Variants in MARCHF4 observed in about 807,000 individuals in gnomAD.
MARCHF4 encodes E3 ubiquitin-protein ligase MARCHF4.
A neutral mutation model predicts 43.9 loss-of-function variants in MARCHF4; 14 were observed. The observed-to-expected ratio is 0.32, with a 90% CI of 0.21 to 0.50. The LOEUF (loss-of-function observed/expected upper bound fraction) is 0.50. MARCHF4 is among the 20% of genes least tolerant of loss of function. MARCHF4 has a pLI of 0.98. For missense variants in MARCHF4, 468 were observed against 536.7 expected (o/e 0.87, Z 1.27); for synonymous variants, 226 against 213.3 (o/e 1.06, Z -0.52).
intron 1 of MARCHF4, among the ~76,000 whole-genome samples, chr2:216,347,442 G>A (rs1265636271): frequency 6.6e-6 from 1 of 152,166 alleles, no homozygotes; most frequent in East Asian, 1.9e-4. Context: ...CTGAGATGGT[G>A]GCAGTATAAA....
At chr2:216,295,037 G>A (rs908674758) in intron 1 of MARCHF4, among the ~76,000 whole-genome samples, 4 of 152,154 alleles carry the variant, frequency 2.6e-5, no homozygotes, top group African/African-American at 7.2e-5. Flanking sequence ...GGTAGCTCAC[G>A]CCTTTGAACA....
At chr2:216,353,961 A>G (rs779904772) in intron 1 of MARCHF4, among the ~76,000 whole-genome samples, 14 of 152,202 alleles carry the variant, frequency 9.2e-5, no homozygotes, top group Non-Finnish European at 1.9e-4. Context: ...TTCTGAACCC[A>G]CAAAGTTTCT....
At chr2:216,300,358 A>ATG (rs1553516808) in intron 1 of MARCHF4, among the ~76,000 whole-genome samples, 14 of 143,310 alleles carry the variant, frequency 9.8e-5, no homozygotes, top group African/African-American at 3.7e-4. Context: ...ATGTATATAT[A>ATG]TATATATATA....
chr2:216,284,404 C>A (rs186233073), intron 1 of MARCHF4, among the ~76,000 whole-genome samples: 29 of 152,326 alleles, frequency 1.9e-4, no homozygotes, highest in African/African-American at 7.0e-4. Context: ...CAGCATTGGG[C>A]TCACTCTCCA....
intron 1 of MARCHF4, among the ~76,000 whole-genome samples, chr2:216,354,180 A>C (rs1692445809): frequency 6.6e-6 from 1 of 152,156 alleles, no homozygotes; most frequent in African/African-American, 2.4e-5. Flanking sequence ...CCATCTCTGC[A>C]CCCTACCCCG....
intron 1 of MARCHF4, among the ~76,000 whole-genome samples, chr2:216,316,360 G>A (rs1356395669): frequency 6.6e-6 from 1 of 152,130 alleles, no homozygotes; most frequent in Non-Finnish European, 1.5e-5. Flanking sequence ...TTCTAAAACG[G>A]AGGCCCTATC....
At chr2:216,302,920 A>G (rs932285024) in intron 1 of MARCHF4, among the ~76,000 whole-genome samples, 26 of 143,094 alleles carry the variant, frequency 1.8e-4, no homozygotes, top group African/African-American at 5.6e-4. Context: ...AAAAAAAAAA[A>G]AAAGAAAATG....
Position 216,258,082 on chromosome 2 carries a change from C to A in MARCHF4, c.*1230G>T, listed in dbSNP as rs966017545. The A allele has an allele frequency of 6.6e-6, 1 of 152,190 alleles. No individual in the cohort carries two copies. The highest frequency in any genetic ancestry group is 2.4e-5 in the African/African-American group (1 of 41,420). 9.4% of individuals were successfully genotyped at this position (152,190 alleles called of 1,614,324 possible). A position where few individuals can be genotyped will look rare whatever the true frequency, so the allele number is the denominator to read the frequency against. Reference sequence around the variant, plus strand: ...GTCCCCAGAGCGAGCAGGAGGGGTCCAGGGGTAGTGCTCCCTGCCAGGCAC... The same window carrying A: ...GTCCCCAGAGCGAGCAGGAGGGGTCAAGGGGTAGTGCTCCCTGCCAGGCAC... On this transcript the variant is annotated 3_prime_UTR_variant, in exon 4 of 4. Coordinates refer to ENST00000273067, the MANE Select transcript of MARCHF4 (RefSeq NM_020814.3).
intron 1 of MARCHF4, among the ~76,000 whole-genome samples, chr2:216,313,327 T>C (rs907729990): frequency 5.9e-5 from 9 of 152,218 alleles, no homozygotes; most frequent in Non-Finnish European, 1.3e-4. Context: ...TAATTTCTCT[T>C]TTAAGTTGCA....
At chr2:216,305,617 G>C (rs868177539) in intron 1 of MARCHF4, among the ~76,000 whole-genome samples, 37 of 152,260 alleles carry the variant, frequency 2.4e-4, no homozygotes, top group African/African-American at 8.2e-4. Flanking sequence ...AGAATGGGTG[G>C]GCAGGCCCTC....
rs1428166375 is a variant in MARCHF4 at position 216,371,838 on chromosome 2, C to T, written c.-1578G>A. ...CGGGTCTGCTCGGCAGCTCTGCCCC[C>T]GCTACCCCCACCAAGGGCGGCCTCG... On this transcript the variant is annotated 5_prime_UTR_variant, in exon 1 of 4. Coordinates refer to ENST00000273067, the MANE Select transcript of MARCHF4 (RefSeq NM_020814.3). The T allele has an allele frequency of 1.3e-5, 2 of 152,346 alleles. No homozygotes were observed. The highest frequency in any genetic ancestry group is 1.5e-5 in the Non-Finnish European group (1 of 68,168). 9.4% of individuals were successfully genotyped at this position (152,346 alleles called of 1,614,324 possible).
At chr2:216,287,550 G>C (rs780748871) in intron 1 of MARCHF4, among the ~76,000 whole-genome samples, 1 of 149,610 alleles carries the variant, frequency 6.7e-6, no homozygotes, top group Non-Finnish European at 1.5e-5. Flanking sequence ...CACTGTGGGG[G>C]AGTGGTGAAG....
intron 3 of MARCHF4, among the ~76,000 whole-genome samples, chr2:216,273,902 A>AGGTGGTGGGAGAGG (rs1240944528): frequency 6.6e-6 from 1 of 152,128 alleles, no homozygotes; most frequent in Non-Finnish European, 1.5e-5. Flanking sequence ...TGGAGGCAGG[A>AGGTGGTGGGAGAGG]GGTGGTGGGA....
chr2:216,343,523 C>G (rs1336280269), intron 1 of MARCHF4, among the ~76,000 whole-genome samples: 2 of 152,164 alleles, frequency 1.3e-5, no homozygotes, highest in African/African-American at 2.4e-5. Flanking sequence ...AGCATATGAT[C>G]CGGGTGCTGG....
At chr2:216,314,400 T>A (rs189006051) in intron 1 of MARCHF4, among the ~76,000 whole-genome samples, 51 of 151,854 alleles carry the variant, frequency 3.4e-4, no homozygotes, top group Middle Eastern at 6.8e-3. Flanking sequence ...CTCAGCTAAC[T>A]GCAACCTCTG....
chr2:216,364,357 C>A (rs951979330), intron 1 of MARCHF4, among the ~76,000 whole-genome samples: 2 of 152,082 alleles, frequency 1.3e-5, no homozygotes, highest in Non-Finnish European at 2.9e-5. Context: ...AATGAATGAA[C>A]ACACACAGTT....
At chr2:216,333,742 C>T (rs1007657971) in intron 1 of MARCHF4, among the ~76,000 whole-genome samples, 2 of 152,208 alleles carry the variant, frequency 1.3e-5, no homozygotes, top group African/African-American at 4.8e-5. Context: ...TTTTCTCCCT[C>T]AGGAGCGTGA....
chr2:216,297,762 C>T (rs1416615409), intron 1 of MARCHF4, among the ~76,000 whole-genome samples: 3 of 152,118 alleles, frequency 2.0e-5, no homozygotes, highest in South Asian at 2.1e-4. Context: ...GTGATCCACT[C>T]GGCTCGGCAT....
In MARCHF4 at chr2:216,268,141, AG is replaced by A. The variant is rs557920260; in HGVS notation, c.866-8463del. Among the ~76,000 whole-genome samples the A allele has an allele frequency of 2.5e-4, 38 of 152,272 alleles. No individual in the cohort carries two copies. In the South Asian group the frequency reaches 3.5e-3, roughly 14 times the overall value. ...TTGCTGGGGATGCCCCACGGTCACA[AG>A]TGTCAGCCTTTGCAAGCCCTGGCAT... On this transcript the variant is annotated intron_variant, in intron 3 of 3. Coordinates refer to ENST00000273067, the MANE Select transcript of MARCHF4 (RefSeq NM_020814.3).
Sources: gnomAD v4.1 joint callset for allele counts (sites outside exome capture counted in the v4.1 genomes callset) on GRCh38, gnomAD v4.1.1 for gene constraint, MANE v1.5 for transcripts, NCBI Gene and HGNC (gene_info 2026-07-23, HGNC 2026-07-21) for gene names.